Variants in PLAUR observed in about 807,000 individuals in gnomAD.
The protein encoded by PLAUR is plasminogen activator, urokinase receptor.
A neutral mutation model predicts 33.4 loss-of-function variants in PLAUR; 22 were observed. The ratio of observed to expected loss-of-function variants is 0.66; its 90% CI spans 0.47 to 0.94. The LOEUF is 0.94. Among genes scored for constraint, PLAUR ranks in the 40% least tolerant of loss-of-function variants. The pLI is 0.00. For synonymous variants in PLAUR, 148 were observed against 167.3 expected (o/e 0.88, Z 0.89); for missense variants, 408 against 434.7 (o/e 0.94, Z 0.55).
At chr19:43,669,551 C>A (rs960678058) in intron 1 of PLAUR, among the ~76,000 whole-genome samples, 2 of 152,156 alleles carry the variant, frequency 1.3e-5, no homozygotes, top group African/African-American at 4.8e-5. Flanking sequence ...GTGGCTCACG[C>A]CTGTAATCCC....
At chr19:43,669,880 T>C (rs1460272952) in intron 1 of PLAUR, among the ~76,000 whole-genome samples, 186 bp downstream of exon 1, 1 of 151,666 alleles carries the variant, frequency 6.6e-6, no homozygotes, top group East Asian at 1.9e-4. Flanking sequence ...TCCACTAATA[T>C]TTCCTTAGCT....
At chr19:43,647,386 A>G (rs1315264646), downstream of PLAUR, among the ~76,000 whole-genome samples, 1 of 152,124 alleles carries the variant, frequency 6.6e-6, no homozygotes, top group Non-Finnish European at 1.5e-5. Flanking sequence ...CTCCTTTCCC[A>G]AAGCATGCTG....
At chr19:43,646,668 G>A (rs1344671103), downstream of PLAUR, 2 of 643,182 alleles carry the variant, frequency 3.1e-6, no homozygotes, top group African/African-American at 1.8e-5. Flanking sequence ...ATATTCAAGA[G>A]GCAGAAGTAC....
At chr19:43,652,079 C>T (rs968163386) in intron 6 of PLAUR, 146 bp downstream of exon 6, 1 of 1,464,378 alleles carries the variant, frequency 6.8e-7, no homozygotes, top group Non-Finnish European at 9.0e-7. Flanking sequence ...TAATTCCTTA[C>T]AATAATATTC....
At chr19:43,669,617 TCCTGGCTAACAGAGTGAAACCC>T (rs1026531757) in intron 1 of PLAUR, among the ~76,000 whole-genome samples, 10 of 151,636 alleles carry the variant, frequency 6.6e-5, no homozygotes, top group African/African-American at 1.9e-4. Context: ...ATTGAGACCA[TCCTGGCTAACAGAGTGAAACCC>T]GGTCTCCACT....
chr19:43,656,218 A>G (rs961155117), intron 4 of PLAUR, among the ~76,000 whole-genome samples: 4 of 151,386 alleles, frequency 2.6e-5, no homozygotes, highest in East Asian at 1.9e-4. Flanking sequence ...ATGCCATTGC[A>G]CTCCAGCCTG....
At chr19:43,648,411 T>C (rs187844368), downstream of PLAUR, among the ~76,000 whole-genome samples, 26 of 152,222 alleles carry the variant, frequency 1.7e-4, 1 homozygote, top group East Asian at 5.0e-3. Context: ...TCCTGCTCTG[T>C]CAGCATTTGG....
chr19:43,667,542 G>C, intron 2 of PLAUR, 39 bp downstream of exon 2: 2 of 1,384,902 alleles, frequency 1.4e-6, no homozygotes, highest in Non-Finnish European at 2.1e-6. Flanking sequence ...CGCGTTCCAT[G>C]CTGCGCTGGA....
At chr19:43,662,105 A>G (rs1967023128) in intron 3 of PLAUR, among the ~76,000 whole-genome samples, 1 of 152,066 alleles carries the variant, frequency 6.6e-6, no homozygotes, top group Non-Finnish European at 1.5e-5. Flanking sequence ...CCTCTTCTCC[A>G]CCTGGACAAC....
rs1974230292 is a variant in PLAUR at position 43,656,721 on chromosome 19, C to T, written c.311-81G>A. On this transcript the variant is annotated intron_variant, in intron 3 of 6. Transcript: ENST00000340093. ...AGCTCTGCAAGGACTCACTCAAAAT[C>T]AATTCCTCCTTATCCCACCCTGCAG... is the stretch of plus-strand genomic sequence containing the variant. The T allele has an allele frequency of 1.0e-5, 12 of 1,186,006 alleles. No homozygotes were observed. The South Asian group carries it at 1.7e-4, about 16-fold the overall frequency. 73.5% of individuals were successfully genotyped at this position (1,186,006 alleles called of 1,614,324 possible).
At chr19:43,663,510 G>A (rs922480769) in intron 3 of PLAUR, among the ~76,000 whole-genome samples, 15 of 151,974 alleles carry the variant, frequency 9.9e-5, no homozygotes, top group African/African-American at 2.9e-4. Context: ...GGCCGGGCAC[G>A]GTGGCTCACG....
Position 43,653,525 on chromosome 19 carries a change from G to A in PLAUR, c.608-1154C>T, listed in dbSNP as rs142791368. Among the ~76,000 whole-genome samples, 497 of 152,376 alleles carry A rather than the reference G, an allele frequency of 3.3e-3. 3 individuals are homozygous for A. Among genetic ancestry groups the A allele is most frequent in the Middle Eastern group, 0.01 (3 of 294 alleles). Reference sequence around the variant, plus strand: ...GAAACCAAATGAACGTCAGCACAGCGGCTCATGCCTGTAATCCCAGCACTT... The same window carrying A: ...GAAACCAAATGAACGTCAGCACAGCAGCTCATGCCTGTAATCCCAGCACTT... On this transcript the variant is annotated intron_variant, in intron 5 of 6. Transcript: ENST00000340093.
intron 1 of PLAUR, among the ~76,000 whole-genome samples, chr19:43,669,201 C>T (rs1162043228): frequency 6.6e-6 from 1 of 152,190 alleles, no homozygotes; most frequent in Non-Finnish European, 1.5e-5. Context: ...AGAGTCGCCT[C>T]AGTGAGAGGG....
intron 3 of PLAUR, among the ~76,000 whole-genome samples, chr19:43,658,198 T>C (rs1173683558): frequency 6.6e-6 from 1 of 152,198 alleles, no homozygotes; most frequent in Non-Finnish European, 1.5e-5. Flanking sequence ...GCAGCCATGT[T>C]GTGAGGACAC....
At chr19:43,664,772 T>C (rs1967155333) in intron 3 of PLAUR, among the ~76,000 whole-genome samples, 1 of 152,172 alleles carries the variant, frequency 6.6e-6, no homozygotes, top group Non-Finnish European at 1.5e-5. Flanking sequence ...TCAGTATCTA[T>C]TGCTTGGACC....
In PLAUR at chr19:43,648,986, A is replaced by C. The variant is rs1600109549; in HGVS notation, c.912T>G (p.Ser304Arg). ...CAGGGCCAGGCTGAGGAGCAGCCCC[A>C]CTGCGGTACTGGACATCCAGGTCTG... Reference protein sequence around the residue: ...NHPDLDVQYRSGAAPQPGPAH... With the variant: ...NHPDLDVQYRRGAAPQPGPAH... The change falls in exon 7 of 7, where the codon AGT becomes AGG. Residue 304 changes from serine to arginine, a missense_variant. By Grantham distance (110) the Ser-to-Arg change is moderately radical. Transcript: ENST00000340093. 6.2e-7 allele frequency: 1 copy of C among 1,614,126 alleles called. No individual in the cohort carries two copies. The highest frequency in any genetic ancestry group is 8.5e-7 in the Non-Finnish European group (1 of 1,180,012).
At chr19:43,649,752 AAAAG>A (rs763785066) in intron 6 of PLAUR, among the ~76,000 whole-genome samples, 13 of 152,174 alleles carry the variant, frequency 8.5e-5, no homozygotes, top group South Asian at 2.1e-4. Context: ...GAAAGAAAAA[AAAAG>A]AAAGAAAGGA....
chr19:43,646,162 C>T (rs1320517297), downstream of PLAUR: 2 of 241,500 alleles, frequency 8.3e-6, no homozygotes, highest in Non-Finnish European at 1.6e-5. Flanking sequence ...TGATCTTGAA[C>T]TCCTGAGCTC....
intron 3 of PLAUR, among the ~76,000 whole-genome samples, chr19:43,657,683 T>C (rs928458438): frequency 2.6e-5 from 4 of 152,232 alleles, no homozygotes; most frequent in Non-Finnish European, 4.4e-5. Flanking sequence ...ATGTCTCCTC[T>C]ACTGGACTGT....
Sources: gnomAD v4.1 joint callset for allele counts (sites outside exome capture counted in the v4.1 genomes callset) on GRCh38, gnomAD v4.1.1 for gene constraint, MANE v1.5 for transcripts, NCBI Gene and HGNC (gene_info 2026-07-23, HGNC 2026-07-21) for gene names.